ST6GALNAC3: variants seen among roughly 807,000 people sequenced by gnomAD.
The protein encoded by ST6GALNAC3 is alpha-N-acetylgalactosaminide alpha-2,6-sialyltransferase 3.
ST6GALNAC3 carries 25 observed loss-of-function variants against 32.7 expected under a neutral mutation model. That is an observed-to-expected ratio of 0.76 (90% CI 0.56 to 1.07). The LOEUF (loss-of-function observed/expected upper bound fraction) is 1.07, where lower values mean the gene tolerates loss of function less well. Among genes scored for constraint, ST6GALNAC3 ranks in the 50% least tolerant of loss-of-function variants. The pLI is 0.00. For missense variants in ST6GALNAC3, 355 were observed against 382.4 expected (o/e 0.93, Z 0.60); for synonymous variants, 129 against 133.1 (o/e 0.97, Z 0.21).
chr1:76,333,552 A>G (rs79722964), intron 2 of ST6GALNAC3, among the ~76,000 whole-genome samples: 2,415 of 152,300 alleles, frequency 0.016, 75 homozygotes, highest in African/African-American at 0.055. Context: ...TATGGCTTTT[A>G]TATTCATCAT....
intron 1 of ST6GALNAC3, chr1:76,309,930 G>A (rs932509555): frequency 2.1e-6 from 1 of 473,294 alleles, no homozygotes; most frequent in Non-Finnish European, 4.3e-6. Flanking sequence ...ATTTCATCCT[G>A]TTTTGAAATT....
At chr1:76,154,280 A>G (rs569250224) in intron 1 of ST6GALNAC3, among the ~76,000 whole-genome samples, 2 of 152,232 alleles carry the variant, frequency 1.3e-5, no homozygotes, top group African/African-American at 2.4e-5. Flanking sequence ...TGCACCCTGC[A>G]TGCAGGGCCC....
intron 1 of ST6GALNAC3, among the ~76,000 whole-genome samples, chr1:76,131,116 A>C (rs981988232): frequency 6.6e-6 from 1 of 152,206 alleles, no homozygotes; most frequent in African/African-American, 2.4e-5. Flanking sequence ...TCAGTGGGAG[A>C]GCCAGGGGCT....
intron 3 of ST6GALNAC3, among the ~76,000 whole-genome samples, chr1:76,537,017 C>T (rs973148634): frequency 2.0e-5 from 3 of 152,166 alleles, no homozygotes; most frequent in Non-Finnish European, 2.9e-5. Flanking sequence ...CTCTCCACGC[C>T]AAATTAACAG....
intron 1 of ST6GALNAC3, among the ~76,000 whole-genome samples, chr1:76,269,266 G>T (rs557707454): frequency 1.7e-4 from 26 of 152,162 alleles, no homozygotes; most frequent in Admixed American, 1.7e-3. Context: ...ATCCTTTTAG[G>T]GATTGTATGG....
intron 3 of ST6GALNAC3, among the ~76,000 whole-genome samples, chr1:76,620,372 T>G (rs1648559339): frequency 1.3e-5 from 2 of 152,056 alleles, no homozygotes; most frequent in South Asian, 4.1e-4. Flanking sequence ...AGTTTAGGTG[T>G]GTTGAGGAGG....
chr1:76,258,901 G>A (rs1658071163), intron 1 of ST6GALNAC3, among the ~76,000 whole-genome samples: 1 of 152,160 alleles, frequency 6.6e-6, no homozygotes, highest in Admixed American at 6.5e-5. Context: ...GAATGTACTT[G>A]TGACTGTCAA....
chr1:76,103,708 A>G (rs1379889510), intron 1 of ST6GALNAC3, among the ~76,000 whole-genome samples: 1 of 152,170 alleles, frequency 6.6e-6, no homozygotes, highest in Non-Finnish European at 1.5e-5. Flanking sequence ...TGCCTCTTTT[A>G]GTTTCTAGTG....
chr1:76,314,087 A>G, intron 2 of ST6GALNAC3, 88 bp downstream of exon 2: 1 of 1,311,242 alleles, frequency 7.6e-7, no homozygotes, highest in Non-Finnish European at 1.0e-6. Context: ...AACTCACTGA[A>G]CTTACTCTGT....
At chr1:76,177,138 A>G (rs1021440466) in intron 1 of ST6GALNAC3, among the ~76,000 whole-genome samples, 8 of 152,198 alleles carry the variant, frequency 5.3e-5, no homozygotes, top group Non-Finnish European at 1.0e-4. Context: ...GTATTTTACT[A>G]CAATTTTTTT....
intron 1 of ST6GALNAC3, among the ~76,000 whole-genome samples, chr1:76,217,918 G>A (rs1269688729): frequency 6.6e-6 from 1 of 151,928 alleles, no homozygotes; most frequent in Non-Finnish European, 1.5e-5. Flanking sequence ...GCTTGTTGGC[G>A]GATGGACATT....
At chr1:76,482,301 T>C (rs963464922) in intron 3 of ST6GALNAC3, among the ~76,000 whole-genome samples, 1 of 152,120 alleles carries the variant, frequency 6.6e-6, no homozygotes, top group Non-Finnish European at 1.5e-5. Context: ...TTCTGAGTTG[T>C]TAACAATAAC....
chr1:76,453,299 A>G (rs1159929486), intron 3 of ST6GALNAC3, among the ~76,000 whole-genome samples: 1 of 150,630 alleles, frequency 6.6e-6, no homozygotes, highest in Non-Finnish European at 1.5e-5. Flanking sequence ...GATCTTGGTT[A>G]TTTCCTTTCT....
At chr1:76,153,126 C>T (rs1651158234) in intron 1 of ST6GALNAC3, among the ~76,000 whole-genome samples, 1 of 152,116 alleles carries the variant, frequency 6.6e-6, no homozygotes, top group African/African-American at 2.4e-5. Flanking sequence ...CTCAGATATT[C>T]AGTAATGGAT....
At chr1:76,381,032 T>A (rs1185561498) in intron 2 of ST6GALNAC3, among the ~76,000 whole-genome samples, 1 of 152,022 alleles carries the variant, frequency 6.6e-6, no homozygotes, top group Non-Finnish European at 1.5e-5. Flanking sequence ...CTCAGGAGTG[T>A]CATCTACCAT....
chr1:76,142,454 C>T (rs1463693268), intron 1 of ST6GALNAC3, among the ~76,000 whole-genome samples: 1 of 152,134 alleles, frequency 6.6e-6, no homozygotes, highest in Non-Finnish European at 1.5e-5. Flanking sequence ...GCTAATTTTC[C>T]ATTCTCAGCA....
At chr1:76,487,660 G>C (rs906014695) in intron 3 of ST6GALNAC3, among the ~76,000 whole-genome samples, 8 of 152,088 alleles carry the variant, frequency 5.3e-5, no homozygotes, top group African/African-American at 1.9e-4. Context: ...GCTTCTTTGA[G>C]ATGGGTTCGA....
In ST6GALNAC3 at chr1:76,125,993, G is replaced by T. The variant is rs1649213905; in HGVS notation, c.18+51109G>T. 2.0e-5 allele frequency among the ~76,000 whole-genome samples: 3 copies of T among 152,170 alleles called. No homozygotes were observed. The South Asian group carries it at 6.2e-4, about 31-fold the overall frequency. ...AGTTAGTGTAAATCTTCCTGCTGGT[G>T]TTGGAGACAGCAAGGTCCCCTGGGA... On this transcript the variant is annotated intron_variant, in intron 1 of 4. Transcript: ENST00000328299.
rs201166366 is a variant in ST6GALNAC3, at chr1:76,449,837, G to GT, written c.623+37424dup. Among the ~76,000 whole-genome samples, 17 of 152,016 alleles carry GT rather than the reference G, an allele frequency of 1.1e-4. No homozygotes were observed. The East Asian group carries it at 2.9e-3, about 26-fold the overall frequency. ...AATTTATTTGTTTTGATTTCAATAG[G>GT]TTTTGGGGGAACAGGTGGTATTTGG... On this transcript the variant is annotated intron_variant, in intron 3 of 4. Transcript: ENST00000328299.
Sources: gnomAD v4.1 joint callset for allele counts (sites outside exome capture counted in the v4.1 genomes callset) on GRCh38, gnomAD v4.1.1 for gene constraint, MANE v1.5 for transcripts, NCBI Gene and HGNC (gene_info 2026-07-23, HGNC 2026-07-21) for gene names.